The following CDKN2A variants were observed in gnomAD, a reference collection of about 807,000 sequenced individuals.
CDKN2A encodes the protein cyclin dependent kinase inhibitor 2A, also known as cyclin-dependent kinase inhibitor 2A.
A neutral mutation model predicts 11.1 loss-of-function variants in CDKN2A; 3 were observed. The observed-to-expected ratio is 0.27, with a 90% confidence interval of 0.12 to 0.70. The LOEUF (loss-of-function observed/expected upper bound fraction) is 0.70, where lower values mean the gene tolerates loss of function less well. Among genes scored for constraint, CDKN2A ranks in the 30% least tolerant of loss-of-function variants. The pLI, the probability that CDKN2A is intolerant of heterozygous loss-of-function variation, is 0.77. For synonymous variants in CDKN2A, 122 were observed against 108.1 expected (o/e 1.13, Z -0.80); for missense variants, 265 against 233.6 (o/e 1.13, Z -0.88).
chr9:21,978,280 TA>T (rs549158739), upstream of CDKN2A, among the ~76,000 whole-genome samples: 90 of 151,834 alleles, frequency 5.9e-4, no homozygotes, highest in African/African-American at 2.1e-3. Flanking sequence ...ATAATAAAAT[TA>T]AAAAAATATT....
chr9:21,992,329 A>G (rs1019805472), intron 2 of CDKN2A: 2 of 879,660 alleles, frequency 2.3e-6, no homozygotes, highest in South Asian at 1.0e-4. Flanking sequence ...CATTATAATT[A>G]ACACCGCTAG....
At position 21,971,118 on chromosome 9, in the gene CDKN2A, G is replaced by A. The variant is rs1334828764; in HGVS notation, c.241C>T (p.Pro81Ser). 6.2e-7 allele frequency: 1 copy of A among 1,604,134 alleles called. No individual in the cohort carries two copies. Among genetic ancestry groups the A allele is most frequent in the Non-Finnish European group, 8.5e-7 (1 of 1,179,556 alleles). ...NCADPATLTRPVHDAAREGFL... is the reference protein window; with the variant it reads ...NCADPATLTRSVHDAAREGFL... ...CCCTCCCGGGCAGCGTCGTGCACGGGTCGGGTGAGAGTGGCGGGGTCGGCG... is the reference window on the plus strand; with the variant it reads ...CCCTCCCGGGCAGCGTCGTGCACGGATCGGGTGAGAGTGGCGGGGTCGGCG... Residue 81 changes from proline to serine, a missense_variant, in exon 2 of 3, where the codon CCC becomes TCC. Transcript: ENST00000304494.
chr9:21,989,224 T>C (rs1048270956), intron 2 of CDKN2A: 3 of 152,236 alleles, frequency 2.0e-5, no homozygotes, highest in African/African-American at 7.2e-5. Context: ...TGGGTTTTTC[T>C]AGGAAGAGTC....
At chr9:21,980,033 C>T (rs535355461) in intron 2 of CDKN2A, among the ~76,000 whole-genome samples, 5 of 152,054 alleles carry the variant, frequency 3.3e-5, no homozygotes, top group Non-Finnish European at 5.9e-5. Flanking sequence ...GCAATATGCA[C>T]GTATTTCATG....
intron 2 of CDKN2A, chr9:21,992,002 A>C (rs576232425): frequency 1.0e-6 from 1 of 984,644 alleles, no homozygotes; most frequent in East Asian, 1.1e-4. Context: ...TAAATGCACC[A>C]AGGTAGAAGT....
At chr9:21,982,871 C>CA (rs35784582) in intron 2 of CDKN2A, among the ~76,000 whole-genome samples, 18,584 of 143,564 alleles carry the variant, frequency 0.13, 1,291 homozygotes, top group Non-Finnish European at 0.15. Flanking sequence ...ATAATGCAGA[C>CA]AAAAAAAAAA....
chr9:21,974,910 A>G (rs1819974969), upstream of CDKN2A: 4 of 1,438,834 alleles, frequency 2.8e-6, no homozygotes, highest in Non-Finnish European at 9.1e-7. This position sits in a 1 kb window ranked among gnomAD's most constrained non-coding sequence, Gnocchi z 5.2. Context: ...TCTGGTGACC[A>G]GCCAGCCCCT....
rs1048322074 is a variant in CDKN2A at position 21,991,700 on chromosome 9, G to A, written c.-4+2182C>T. On this transcript the variant is annotated intron_variant, in intron 2 of 3. Transcript: ENST00000494262. The surrounding 1 kb of genome is among the most constrained non-coding windows in gnomAD (Gnocchi z 5.2). ...AATAGATCTGTAAACCATCATAGAC[G>A]GTAATAGGCTATGTTGTTGCTACCT... The A allele has an allele frequency of 1.3e-5, 13 of 978,472 alleles. No individual in the cohort carries two copies. Among genetic ancestry groups the A allele is most frequent in the East Asian group, 1.1e-4 (1 of 8,786 alleles). The allele number at this position is 978,472 out of a possible 1,614,324, so 60.6% of individuals were successfully genotyped here. A position where few individuals can be genotyped will look rare whatever the true frequency, so the allele number is the denominator to read the frequency against.
In CDKN2A at chr9:21,974,011, C is replaced by A. The variant is rs569377543; in HGVS notation, c.150+667G>T. On this transcript the variant is annotated intron_variant, in intron 1 of 2. Transcript: ENST00000304494. The surrounding 1 kb of genome is among the most constrained non-coding windows in gnomAD (Gnocchi z 5.2). ...GTTCAAGCGATTCTCCTGCCTCAAC[C>A]TCCCGAGTAGCTGGGATTACAGGCG... 2.6e-5 allele frequency among the ~76,000 whole-genome samples: 4 copies of A among 152,268 alleles called. No individual in the cohort carries two copies. The highest frequency in any genetic ancestry group is 9.6e-5 in the African/African-American group (4 of 41,556).
In CDKN2A at chr9:21,971,189, G is replaced by A. The variant is rs372266620; in HGVS notation, c.170C>T (p.Ala57Val). 1.0e-4 allele frequency: 163 copies of A among 1,597,598 alleles called. No individual in the cohort carries two copies. Among genetic ancestry groups the A allele is most frequent in the Non-Finnish European group, 1.2e-4 (136 of 1,178,892 alleles). ...GAGCAGCAGCAGCTCCGCCACTCGG[G>A]CGCTGCCCATCATCATGACCTGCCA... ...RPIQVMMMGS[A>V]RVAELLLLHG... Residue 57 changes from alanine to valine, a missense_variant, in exon 2 of 3, where the codon GCC becomes GTC. By Grantham distance (64) the Ala-to-Val change is moderately conservative. Coordinates refer to ENST00000304494, the MANE Select transcript of CDKN2A (RefSeq NM_000077.5).
chr9:21,989,094 G>GA (rs3731200), intron 2 of CDKN2A, among the ~76,000 whole-genome samples: 3,117 of 151,806 alleles, frequency 0.021, 108 homozygotes, highest in African/African-American at 0.071. Context: ...TCAACAAATA[G>GA]AAAAAAAACG....
intron 2 of CDKN2A, chr9:21,993,835 G>GTGTA (rs1820506050): frequency 2.1e-6 from 1 of 483,994 alleles, no homozygotes; most frequent in African/African-American, 2.0e-5. Flanking sequence ...GTGTGTGTGT[G>GTGTA]TGTGTGTGTG....
At chr9:21,979,736 G>A (rs1820130117), upstream of CDKN2A, among the ~76,000 whole-genome samples, 1 of 152,152 alleles carries the variant, frequency 6.6e-6, no homozygotes, top group African/African-American at 2.4e-5. Flanking sequence ...GAGAGGATGG[G>A]TTGAGTAAGA....
In CDKN2A at chr9:21,971,115, CGGGTCGGGTGAGAGTGGCG is replaced by C. The variant is rs730881674; in HGVS notation, c.225_243del (p.Ala76CysfsTer64). 6.2e-7 allele frequency: 1 copy of C among 1,604,242 alleles called. No individual in the cohort carries two copies. Among genetic ancestry groups the C allele is most frequent in the Non-Finnish European group, 8.5e-7 (1 of 1,179,522 alleles). ...AAGCCCTCCCGGGCAGCGTCGTGCA[CGGGTCGGGTGAGAGTGGCG>C]GGGTCGGCGCAGTTGGGCTCCGCGC... On this transcript the variant is annotated frameshift_variant, in exon 2 of 3. Coordinates refer to ENST00000304494, the MANE Select transcript of CDKN2A (RefSeq NM_000077.5). LOFTEE classifies it high-confidence loss of function.
chr9:21,992,899 A>C (rs1261272344), intron 2 of CDKN2A, among the ~76,000 whole-genome samples: 1 of 152,196 alleles, frequency 6.6e-6, no homozygotes, highest in Non-Finnish European at 1.5e-5. Flanking sequence ...CAAATCCAGC[A>C]ACAGGCCCTG....
intron 2 of CDKN2A, among the ~76,000 whole-genome samples, chr9:21,984,022 G>C (rs906590908): frequency 6.6e-6 from 1 of 151,882 alleles, no homozygotes; most frequent in African/African-American, 2.4e-5. Context: ...ATAAAAATCC[G>C]GGTGCACGGT....
rs1587355181 is a variant in CDKN2A, at chr9:21,991,408, A to G, written c.-4+2474T>C. 6.6e-6 allele frequency among the ~76,000 whole-genome samples: 1 copy of G among 151,946 alleles called. No homozygotes were observed. The highest frequency in any genetic ancestry group is 1.9e-4 in the East Asian group (1 of 5,184). ...GCCCAGGGAAGGTAAAAGATTGAAC[A>G]CCCCTGGCCTACAGTGTTCTACTAT... On this transcript the variant is annotated intron_variant, in intron 2 of 3. Coordinates refer to the CDKN2A transcript ENST00000494262. This position sits in a 1 kb window ranked among gnomAD's most constrained non-coding sequence, Gnocchi z 5.2.
chr9:21,990,490 A>G (rs906777761), intron 2 of CDKN2A, among the ~76,000 whole-genome samples: 13 of 152,150 alleles, frequency 8.5e-5, no homozygotes, highest in African/African-American at 3.1e-4. Flanking sequence ...TTGGAAATGT[A>G]TATTTTACTG....
At chr9:21,993,199 T>C (rs1180055031) in intron 2 of CDKN2A, among the ~76,000 whole-genome samples, 1 of 152,252 alleles carries the variant, frequency 6.6e-6, no homozygotes, top group Non-Finnish European at 1.5e-5. Context: ...CCTCATTAAA[T>C]TACTTTTAGA....
Sources: gnomAD v4.1 joint callset for allele counts (sites outside exome capture counted in the v4.1 genomes callset) on GRCh38, gnomAD v4.1.1 for gene constraint, Gnocchi (gnomAD v3.1) non-coding constraint, MANE v1.5 for transcripts, NCBI Gene and HGNC (gene_info 2026-07-23, HGNC 2026-07-21) for gene names.